Variants in ROPN1B observed in about 807,000 individuals in gnomAD.
ROPN1B encodes the protein ropporin-1B.
Under a neutral mutation model 23.7 loss-of-function variants are expected in ROPN1B, and 13 were observed. That is an observed-to-expected ratio of 0.55 (90% CI 0.36 to 0.87). The LOEUF (loss-of-function observed/expected upper bound fraction) is 0.87. ROPN1B is among the 40% of genes least tolerant of loss of function. The probability of loss-of-function intolerance (pLI) is 0.01; values close to 1 mark genes in which losing one functional copy is unlikely to be tolerated. For synonymous variants in ROPN1B, 67 were observed against 100.4 expected (o/e 0.67, Z 1.99); for missense variants, 183 against 249.2 (o/e 0.73, Z 1.79).
chr3:125,978,673 C>T (rs1485484672), intron 5 of ROPN1B, among the ~76,000 whole-genome samples: 1 of 152,188 alleles, frequency 6.6e-6, no homozygotes, highest in African/African-American at 2.4e-5. Context: ...GGTCTCGTCT[C>T]TCCCAGATTG....
chr3:125,980,389 A>G (rs1019218162), intron 5 of ROPN1B, among the ~76,000 whole-genome samples: 1 of 152,128 alleles, frequency 6.6e-6, no homozygotes, highest in African/African-American at 2.4e-5. Context: ...AACAACAGAA[A>G]TTTGTTGTCT....
intron 3 of ROPN1B, chr3:125,973,199 G>A (rs1201767698): frequency 1.4e-5 from 5 of 349,356 alleles, no homozygotes; most frequent in Non-Finnish European, 2.3e-5. Flanking sequence ...TCCTCAGGCT[G>A]AGGTTGTGAG....
In ROPN1B at chr3:125,972,229, T is replaced by G. The variant is rs116779889; in HGVS notation, c.116+59T>G. ...GGACGGGCGGGGAGAGAGGGTCCTG[T>G]AAAACCGCGGAGGTTGTCATGGCTG... On this transcript the variant is annotated intron_variant, in intron 3 of 6. Coordinates refer to ENST00000514116, the MANE Select transcript of ROPN1B (RefSeq NM_001308313.2). 1,667 of 1,562,006 alleles carry G rather than the reference T, an allele frequency of 1.1e-3. 17 individuals carry two copies. The African/African-American group carries it at 0.02, about 19-fold the overall frequency.
chr3:125,978,238 C>A lies in ROPN1B; in HGVS notation c.396+1073C>A, dbSNP rs41514650. Among the ~76,000 whole-genome samples the A allele has an allele frequency of 5.2e-3, 787 of 151,588 alleles. 6 individuals are homozygous for A. Among genetic ancestry groups the A allele is most frequent in the African/African-American group, 0.018 (739 of 41,282 alleles). ...GAGGCCTATGAGTTGTCAATCAGGA[C>A]GGGAAAATCACAAACGGGAAGATAA... is the stretch of plus-strand genomic sequence containing the variant. On this transcript the variant is annotated intron_variant, in intron 5 of 6. Coordinates refer to ENST00000514116, the MANE Select transcript of ROPN1B (RefSeq NM_001308313.2).
chr3:125,974,096 A>C (rs986084150), intron 3 of ROPN1B, among the ~76,000 whole-genome samples: 30 of 152,186 alleles, frequency 2.0e-4, no homozygotes, highest in Admixed American at 3.9e-4. Context: ...CCAATTCCAC[A>C]AGAAGTCCAG....
chr3:125,976,620 G>A (rs1416285669), intron 4 of ROPN1B, among the ~76,000 whole-genome samples: 57 of 152,200 alleles, frequency 3.7e-4, no homozygotes, highest in East Asian at 3.5e-3. Flanking sequence ...TAATTTTACC[G>A]TTAATTAGTG....
Position 125,983,368 on chromosome 3 carries a change from T to G in ROPN1B, c.*48T>G. The G allele has an allele frequency of 1.5e-6, 2 of 1,323,378 alleles. No individual in the cohort carries two copies. Among genetic ancestry groups the G allele is most frequent in the South Asian group, 2.4e-5 (2 of 84,812 alleles). 82.0% of individuals were successfully genotyped at this position (1,323,378 alleles called of 1,614,324 possible). ...AAGGAAGATACAGAGGTGATTGTAC[T>G]TCAGAATGATAAACCCATATACCAC... On this transcript the variant is annotated 3_prime_UTR_variant, in exon 7 of 7. Coordinates refer to ENST00000514116, the MANE Select transcript of ROPN1B (RefSeq NM_001308313.2).
intron 3 of ROPN1B, among the ~76,000 whole-genome samples, chr3:125,974,144 C>G (rs2107600818): frequency 6.6e-6 from 1 of 152,338 alleles, no homozygotes; most frequent in Non-Finnish European, 1.5e-5. Context: ...CCGGGCAGCA[C>G]TTCTGTGGAA....
Position 125,974,716 on chromosome 3 carries a change from A to C in ROPN1B, c.117-847A>C, listed in dbSNP as rs78146540. Among the ~76,000 whole-genome samples, 194 of 152,264 alleles carry C rather than the reference A, an allele frequency of 1.3e-3. 5 individuals carry two copies. The East Asian group carries it at 0.015, about 12-fold the overall frequency. On this transcript the variant is annotated intron_variant, in intron 3 of 6. Coordinates refer to ENST00000514116, the MANE Select transcript of ROPN1B (RefSeq NM_001308313.2). ...TCAGTACTTGTTCCACAATGCCCCC[A>C]AACAAAGTCCACTCCACAAAACATT...
chr3:125,973,222 G>A (rs1437585839), intron 3 of ROPN1B: 2 of 350,054 alleles, frequency 5.7e-6, no homozygotes, highest in African/African-American at 4.3e-5. Flanking sequence ...GGTGTCCTGG[G>A]CAGATGGTGG....
chr3:125,979,921 C>A lies in ROPN1B; in HGVS notation c.397-2349C>A, dbSNP rs115599861. ...TGGCACACAGACCTGTATTCCTCCC[C>A]CCTTCAGCACTCCTTCCTCTGGACT... On this transcript the variant is annotated intron_variant, in intron 5 of 6. Coordinates refer to ENST00000514116, the MANE Select transcript of ROPN1B (RefSeq NM_001308313.2). Among the ~76,000 whole-genome samples, 802 of 152,348 alleles carry A rather than the reference C, an allele frequency of 5.3e-3. 6 individuals carry two copies. Among genetic ancestry groups the A allele is most frequent in the African/African-American group, 0.018 (751 of 41,574 alleles).
At chr3:125,981,624 C>T (rs140877395) in intron 5 of ROPN1B, among the ~76,000 whole-genome samples, 175 of 152,284 alleles carry the variant, frequency 1.1e-3, no homozygotes, top group African/African-American at 4.0e-3. Context: ...GGGTTTGCTT[C>T]TGTAGTAACC....
chr3:125,975,817 GAA>G (rs1332288411), intron 4 of ROPN1B, 137 bp downstream of exon 4: 1 of 700,742 alleles, frequency 1.4e-6, no homozygotes, highest in African/African-American at 1.8e-5. Flanking sequence ...ACCGTGGACT[GAA>G]AGTAAATCTT....
intron 5 of ROPN1B, among the ~76,000 whole-genome samples, chr3:125,979,299 G>T (rs1019801914): frequency 1.3e-5 from 2 of 152,084 alleles, no homozygotes; most frequent in Non-Finnish European, 2.9e-5. Flanking sequence ...GACTGTTTCT[G>T]GGATCTTAAA....
intron 5 of ROPN1B, among the ~76,000 whole-genome samples, chr3:125,978,625 A>G (rs11915239): frequency 0.21 from 32,336 of 152,106 alleles, 3,972 homozygotes; most frequent in Non-Finnish European, 0.27. Context: ...GGTAATGCCT[A>G]TCTGTCTGGT....
intron 4 of ROPN1B, among the ~76,000 whole-genome samples, chr3:125,975,924 G>C (rs1046332726): frequency 2.5e-4 from 38 of 152,182 alleles, no homozygotes; most frequent in African/African-American, 8.9e-4. Flanking sequence ...GAATGTACAG[G>C]GGCTCAATGC....
intron 2 of ROPN1B, 144 bp from the exon 3 acceptor site, chr3:125,971,899 C>A: frequency 1.6e-6 from 1 of 615,878 alleles, no homozygotes; most frequent in Non-Finnish European, 2.7e-6. Context: ...TCTAACCTTG[C>A]CGTTGTGTAA....
intron 4 of ROPN1B, among the ~76,000 whole-genome samples, chr3:125,976,502 G>A (rs1169297532): frequency 6.6e-6 from 1 of 152,186 alleles, no homozygotes; most frequent in Non-Finnish European, 1.5e-5. Context: ...AATCCCCGTG[G>A]GTCAGCCACA....
chr3:125,979,956 C>T (rs1048542066), intron 5 of ROPN1B, among the ~76,000 whole-genome samples: 3 of 152,236 alleles, frequency 2.0e-5, no homozygotes, highest in African/African-American at 7.2e-5. Flanking sequence ...TGGCCTATGC[C>T]ACCTCCTGTT....
Sources: allele counts gnomAD v4.1 joint callset (sites outside exome capture counted in the v4.1 genomes callset), GRCh38; gene constraint gnomAD v4.1.1; transcripts MANE v1.5; gene names NCBI Gene and HGNC (gene_info 2026-07-23, HGNC 2026-07-21).